The following RBKS variants were observed in gnomAD, a reference collection of about 807,000 sequenced individuals.
RBKS encodes ribokinase.
In RBKS, 33 loss-of-function variants were observed where a neutral mutation model predicts 33.9. The ratio of observed to expected loss-of-function variants is 0.97; its 90% CI spans 0.74 to 1.30. The LOEUF (loss-of-function observed/expected upper bound fraction) is 1.30. RBKS is among the 50% of genes most tolerant of loss of function. The probability of loss-of-function intolerance (pLI) is 0.00; values close to 1 mark genes in which losing one functional copy is unlikely to be tolerated. For synonymous variants in RBKS, 125 were observed against 143.0 expected (o/e 0.87, Z 0.90); for missense variants, 361 against 392.6 (o/e 0.92, Z 0.68).
intron 1 of RBKS, among the ~76,000 whole-genome samples, chr2:27,866,461 T>A (rs1358327205): frequency 6.6e-6 from 1 of 152,190 alleles, no homozygotes; most frequent in African/African-American, 2.4e-5. Context: ...GTTTAAAAAA[T>A]TTCAGCCATT....
chr2:27,821,102 A>G (rs1238966585), intron 7 of RBKS, among the ~76,000 whole-genome samples: 1 of 151,704 alleles, frequency 6.6e-6, no homozygotes, highest in African/African-American at 2.4e-5. Context: ...GAAACACTGT[A>G]CAAATTTACA....
chr2:27,859,111 G>C (rs1663920683), intron 1 of RBKS, among the ~76,000 whole-genome samples: 1 of 152,118 alleles, frequency 6.6e-6, no homozygotes, highest in Non-Finnish European at 1.5e-5. Flanking sequence ...GAGTAAGAGT[G>C]GGGTGTTCAG....
chr2:27,876,606 A>AG (rs1161055662), intron 1 of RBKS, among the ~76,000 whole-genome samples: 8 of 152,174 alleles, frequency 5.3e-5, no homozygotes, highest in African/African-American at 1.7e-4. Flanking sequence ...ATGTACCTAA[A>AG]GTAGTCAAAT....
chr2:27,798,199 T>G (rs13394393), intron 7 of RBKS, among the ~76,000 whole-genome samples: 2,119 of 152,216 alleles, frequency 0.014, 48 homozygotes, highest in African/African-American at 0.048. Context: ...TTGGGGGGTA[T>G]GTAGCCATAC....
At chr2:27,881,216 C>T (rs984985582) in intron 1 of RBKS, among the ~76,000 whole-genome samples, 1 of 151,542 alleles carries the variant, frequency 6.6e-6, no homozygotes, top group Admixed American at 6.6e-5. Context: ...CTGCTGCACT[C>T]CAGCCTGGGG....
At chr2:27,872,230 T>A (rs958272711) in intron 1 of RBKS, among the ~76,000 whole-genome samples, 1 of 152,182 alleles carries the variant, frequency 6.6e-6, no homozygotes, top group African/African-American at 2.4e-5. Flanking sequence ...AAAAATAGTG[T>A]TCTAAAGAGC....
At chr2:27,784,219 G>C (rs903091136) in intron 7 of RBKS, among the ~76,000 whole-genome samples, 2 of 151,698 alleles carry the variant, frequency 1.3e-5, no homozygotes, top group African/African-American at 4.8e-5. Flanking sequence ...TCCTGACCTC[G>C]TGATCCGCCC....
chr2:27,858,960 ACAAGAAGCAGGAAGTGTTAAAC>A (rs1219860587), intron 1 of RBKS, among the ~76,000 whole-genome samples: 1 of 152,226 alleles, frequency 6.6e-6, no homozygotes, highest in Admixed American at 6.5e-5. Context: ...GGTCACTTTA[ACAAGAAGCAGGAAGTGTTAAAC>A]CAAGAAGCAG....
chr2:27,838,838 C>T (rs998440826), intron 5 of RBKS, among the ~76,000 whole-genome samples: 10 of 152,150 alleles, frequency 6.6e-5, no homozygotes, highest in Admixed American at 2.6e-4. Flanking sequence ...ATTACAGTGT[C>T]AGATGAACTA....
intron 7 of RBKS, 48 bp downstream of exon 7, chr2:27,827,519 G>A (rs1372280090): frequency 2.7e-6 from 4 of 1,458,632 alleles, no homozygotes; most frequent in Non-Finnish European, 3.7e-6. Flanking sequence ...TAGTTACTAA[G>A]TAACAATTTT....
chr2:27,794,242 A>G (rs1677593594), intron 7 of RBKS, among the ~76,000 whole-genome samples: 1 of 150,882 alleles, frequency 6.6e-6, no homozygotes, highest in Admixed American at 6.6e-5. Context: ...GGTTGTGGTG[A>G]GCTGAGATTG....
At chr2:27,796,270 G>A (rs560876927) in intron 7 of RBKS, among the ~76,000 whole-genome samples, 1 of 151,886 alleles carries the variant, frequency 6.6e-6, no homozygotes, top group East Asian at 1.9e-4. Context: ...GAGCTGTATT[G>A]TATCACTGTG....
intron 7 of RBKS, among the ~76,000 whole-genome samples, chr2:27,798,897 C>G (rs960683074): frequency 1.3e-5 from 2 of 152,168 alleles, no homozygotes; most frequent in Admixed American, 6.5e-5. Context: ...TTGCCTAGCA[C>G]TATGTTCAAA....
intron 7 of RBKS, among the ~76,000 whole-genome samples, chr2:27,801,724 C>A (rs1677787855): frequency 6.6e-6 from 1 of 151,644 alleles, no homozygotes; most frequent in Non-Finnish European, 1.5e-5. Flanking sequence ...GGTGCTGGCA[C>A]CTGCGTGGTT....
intron 1 of RBKS, among the ~76,000 whole-genome samples, chr2:27,881,086 CA>C (rs35355088): frequency 3.3e-5 from 5 of 151,728 alleles, no homozygotes; most frequent in Admixed American, 6.6e-5. Flanking sequence ...AACAAACAAA[CA>C]AAAAAACAGA....
At chr2:27,859,015 T>C (rs1307789329) in intron 1 of RBKS, among the ~76,000 whole-genome samples, 1 of 152,156 alleles carries the variant, frequency 6.6e-6, no homozygotes, top group East Asian at 1.9e-4. Flanking sequence ...CAGACCAGGA[T>C]TCTGATAATC....
At chr2:27,876,550 T>G (rs1189196235) in intron 1 of RBKS, among the ~76,000 whole-genome samples, 3 of 152,164 alleles carry the variant, frequency 2.0e-5, no homozygotes, top group Non-Finnish European at 4.4e-5. Context: ...CTAAGTGAAA[T>G]AAGTAAGTCA....
At chr2:27,814,937 A>T (rs549906158) in intron 7 of RBKS, among the ~76,000 whole-genome samples, 1 of 152,234 alleles carries the variant, frequency 6.6e-6, no homozygotes, top group East Asian at 1.9e-4. Flanking sequence ...GTTCACACAC[A>T]CACGTACACA....
chr2:27,782,338 T>C (rs934288675), intron 7 of RBKS, among the ~76,000 whole-genome samples: 7 of 151,746 alleles, frequency 4.6e-5, no homozygotes, highest in Non-Finnish European at 1.0e-4. Flanking sequence ...TGTGCAACAC[T>C]TAGCTAATTT....
Sources: allele counts gnomAD v4.1 joint callset (sites outside exome capture counted in the v4.1 genomes callset), GRCh38; gene constraint gnomAD v4.1.1; transcripts MANE v1.5; gene names NCBI Gene and HGNC (gene_info 2026-07-23, HGNC 2026-07-21).